The following DTNA variants were observed in gnomAD, a reference collection of about 807,000 sequenced individuals.
DTNA encodes the protein dystrobrevin alpha, also known as dystrophin-related protein 3.
Under a neutral mutation model 100.7 loss-of-function variants are expected in DTNA, and 43 were observed. The observed-to-expected ratio is 0.43, with a 90% CI of 0.33 to 0.55. The LOEUF is 0.55. DTNA is among the 20% of genes least tolerant of loss of function. DTNA has a pLI of 0.04. For missense variants in DTNA, 798 were observed against 953.9 expected (o/e 0.84, Z 2.15); for synonymous variants, 349 against 347.9 (o/e 1.00, Z -0.04).
intron 1 of DTNA, among the ~76,000 whole-genome samples, chr18:34,654,178 T>G (rs2074023415): frequency 6.6e-6 from 1 of 152,204 alleles, no homozygotes; most frequent in Admixed American, 6.5e-5. Context: ...CCAGCTGGAT[T>G]AGTGACATTC....
At chr18:34,713,649 G>GT (rs2083347414) in intron 1 of DTNA, among the ~76,000 whole-genome samples, 1 of 151,744 alleles carries the variant, frequency 6.6e-6, no homozygotes, top group Non-Finnish European at 1.5e-5. Context: ...CTTTAAAGTA[G>GT]TTTTTTCCAA....
chr18:34,507,822 G>T (rs9947368), intron 1 of DTNA, among the ~76,000 whole-genome samples: 14,446 of 152,206 alleles, frequency 0.095, 780 homozygotes, highest in Non-Finnish European at 0.12. Flanking sequence ...ACAGGGGATT[G>T]TGCTACACGC....
chr18:34,723,482 A>G (rs1281330379), intron 1 of DTNA, among the ~76,000 whole-genome samples: 1 of 152,254 alleles, frequency 6.6e-6, no homozygotes, highest in Non-Finnish European at 1.5e-5. Flanking sequence ...TATATATTGT[A>G]TATCTCTGAA....
chr18:34,607,181 T>A lies in DTNA; in HGVS notation c.-2+113667T>A, dbSNP rs188934616. ...CACCATTTTTATCCAATAGCTCTCA[T>A]CCCTTGAAATACTGTTTGTGTCCTT... On this transcript the variant is annotated intron_variant, in intron 1 of 19. Coordinates refer to the DTNA transcript ENST00000283365. 2.6e-5 allele frequency among the ~76,000 whole-genome samples: 4 copies of A among 152,344 alleles called. No individual in the cohort carries two copies. The East Asian group carries it at 7.7e-4, about 29-fold the overall frequency.
At chr18:34,726,227 C>A (rs1405187457) in intron 1 of DTNA, among the ~76,000 whole-genome samples, 1 of 151,888 alleles carries the variant, frequency 6.6e-6, no homozygotes, top group Non-Finnish European at 1.5e-5. Flanking sequence ...GCACATATAC[C>A]CCAGAACTTA....
chr18:34,722,890 G>A (rs972880778), intron 1 of DTNA, among the ~76,000 whole-genome samples: 1 of 152,116 alleles, frequency 6.6e-6, no homozygotes, highest in African/African-American at 2.4e-5. Context: ...TATCAACAAT[G>A]TGTTCATCTT....
At chr18:34,868,195 G>C (rs997603877) in intron 17 of DTNA, 11 of 336,866 alleles carry the variant, frequency 3.3e-5, no homozygotes, top group Non-Finnish European at 4.6e-5. Context: ...GGTTTTATCA[G>C]TACAGAAATA....
chr18:34,735,056 A>C (rs915542396), intron 1 of DTNA, among the ~76,000 whole-genome samples: 1 of 152,120 alleles, frequency 6.6e-6, no homozygotes, highest in Non-Finnish European at 1.5e-5. Flanking sequence ...ATATATACAC[A>C]CACATACACA....
At chr18:34,597,763 C>T (rs1481136483) in intron 1 of DTNA, among the ~76,000 whole-genome samples, 2 of 151,976 alleles carry the variant, frequency 1.3e-5, no homozygotes, top group African/African-American at 4.8e-5. Flanking sequence ...TCTACCTTTC[C>T]CCACCGCCCC....
At chr18:34,501,404 G>A (rs1329715704) in intron 1 of DTNA, among the ~76,000 whole-genome samples, 5 of 152,072 alleles carry the variant, frequency 3.3e-5, no homozygotes, top group Admixed American at 6.5e-5. Flanking sequence ...ATATTCATGA[G>A]GAATATTGAC....
At chr18:34,737,649 C>G (rs1043509002) in intron 1 of DTNA, 1 of 152,184 alleles carries the variant, frequency 6.6e-6, no homozygotes, top group Non-Finnish European at 1.5e-5. Context: ...GTCGCTCTCC[C>G]TCTCCGATTC....
chr18:34,788,969 T>C (rs2094605971), intron 3 of DTNA, among the ~76,000 whole-genome samples: 2 of 152,224 alleles, frequency 1.3e-5, no homozygotes. Context: ...CGTTCTCTTT[T>C]AATCTCACTA....
intron 6 of DTNA, among the ~76,000 whole-genome samples, chr18:34,813,817 G>T (rs1157100768): frequency 6.7e-6 from 1 of 148,628 alleles, no homozygotes; most frequent in Non-Finnish European, 1.5e-5. Context: ...ACTCCAGCCT[G>T]GGAGACAAAG....
chr18:34,870,889 G>A (rs1185824444), intron 17 of DTNA, among the ~76,000 whole-genome samples: 1 of 152,028 alleles, frequency 6.6e-6, no homozygotes, highest in Admixed American at 6.6e-5. Flanking sequence ...CTGAACAGTC[G>A]GAATTAATCA....
rs1215163464 is a variant in DTNA, at chr18:34,875,332, C to G, written c.1837C>G (p.Pro613Ala). Residue 613 changes from proline (P) to alanine (A), a missense_variant, in exon 18 of 23, where the codon CCG (proline) becomes GCG (alanine). Pro to Ala is a conservative substitution (Grantham distance 27). Coordinates refer to ENST00000444659, the MANE Select transcript of DTNA (RefSeq NM_001386795.1). ...CCGGTCAGCGTCAGCCTGCTCCACCCCGACGCACACGCCGCAGGACTCCCT... is the reference window on the plus strand; with the variant it reads ...CCGGTCAGCGTCAGCCTGCTCCACCGCGACGCACACGCCGCAGGACTCCCT... ...PIRSASACST[P>A]THTPQDSLTG... is the part of the protein sequence containing the mutation. The G allele has an allele frequency of 6.2e-7, 1 of 1,614,206 alleles. No individual in the cohort carries two copies. Among genetic ancestry groups the G allele is most frequent in the East Asian group, 2.2e-5 (1 of 44,884 alleles).
chr18:34,533,011 G>A (rs1480073752), intron 1 of DTNA, among the ~76,000 whole-genome samples: 1 of 151,944 alleles, frequency 6.6e-6, no homozygotes, highest in Non-Finnish European at 1.5e-5. Context: ...GGACACTTAT[G>A]TTGGCGAAAT....
chr18:34,767,366 C>T (rs548367931), intron 3 of DTNA, among the ~76,000 whole-genome samples: 25 of 152,122 alleles, frequency 1.6e-4, no homozygotes, highest in Non-Finnish European at 2.8e-4. Context: ...ATCTATTCCT[C>T]AAGTTTCTCC....
intron 17 of DTNA, chr18:34,866,354 G>T: frequency 7.1e-7 from 1 of 1,415,248 alleles, no homozygotes. Flanking sequence ...GAAGAACTAT[G>T]ACATCTTTTA....
intron 1 of DTNA, among the ~76,000 whole-genome samples, chr18:34,500,620 C>T (rs748114738): frequency 2.0e-5 from 3 of 151,562 alleles, no homozygotes; most frequent in East Asian, 1.9e-4. Context: ...CCCACCCCCA[C>T]GCCCAGCTAA....
Sources: gnomAD v4.1 joint callset for allele counts (sites outside exome capture counted in the v4.1 genomes callset) on GRCh38, gnomAD v4.1.1 for gene constraint, MANE v1.5 for transcripts, NCBI Gene and HGNC (gene_info 2026-07-23, HGNC 2026-07-21) for gene names.